Variants in CDIN1 observed in about 807,000 individuals in gnomAD.
The protein encoded by CDIN1 is CDAN1-interacting nuclease 1.
CDIN1 carries 33 observed loss-of-function variants against 45.3 expected under a neutral mutation model. The ratio of observed to expected loss-of-function variants is 0.73; its 90% confidence interval spans 0.55 to 0.97. The LOEUF (loss-of-function observed/expected upper bound fraction) is 0.97, where lower values mean the gene tolerates loss of function less well. Ranked by LOEUF, CDIN1 falls within the 50% of genes least tolerant of loss-of-function variation. CDIN1 has a pLI of 0.00. For synonymous variants in CDIN1, 118 were observed against 124.4 expected, an observed-to-expected ratio of 0.95 and a Z score of 0.34; for missense variants, 303 against 339.4, an observed-to-expected ratio of 0.89 and a Z score of 0.84.
Position 36,700,601 on chromosome 15 carries a change from G to C in CDIN1, c.544+3211G>C, listed in dbSNP as rs140106232. On this transcript the variant is annotated intron_variant, in intron 8 of 10. Transcript: ENST00000566621. Reference sequence around the variant, plus strand: ...CCTTCCTGCCACAGTATATATCTAGGATGGCCAGTTGAGCTCATAAGGTTG... The same window carrying C: ...CCTTCCTGCCACAGTATATATCTAGCATGGCCAGTTGAGCTCATAAGGTTG... 9.3e-5 allele frequency among the ~76,000 whole-genome samples: 14 copies of C among 151,134 alleles called. No individual in the cohort carries two copies. The East Asian group carries it at 2.7e-3, about 29-fold the overall frequency.
chr15:36,608,298 A>T (rs1566829420), intron 1 of CDIN1, among the ~76,000 whole-genome samples: 1 of 152,226 alleles, frequency 6.6e-6, no homozygotes, highest in Non-Finnish European at 1.5e-5. Context: ...ATAGGAATGT[A>T]TGAGGGTTTT....
chr15:36,626,557 A>AAAC lies in CDIN1; in HGVS notation c.102-17721_102-17720insAAC, dbSNP rs2039435632. ...AACATATGCAAATATATTCCTCATT[A>AAAC]GCCATCCTGTTTTGGCGACTAATAG... On this transcript the variant is annotated intron_variant, in intron 1 of 10. Coordinates refer to ENST00000566621, the MANE Select transcript of CDIN1 (RefSeq NM_001321759.2). 1.7e-5 allele frequency: 4 copies of AAAC among 234,492 alleles called. No individual in the cohort carries two copies. In the Admixed American group the frequency reaches 2.3e-4, roughly 13 times the overall value. The allele number at this position is 234,492 out of a possible 1,614,324, so 14.5% of individuals were successfully genotyped here.
chr15:36,697,430 C>G (rs779819437), intron 8 of CDIN1, 40 bp downstream of exon 8: 7 of 1,464,672 alleles, frequency 4.8e-6, no homozygotes, highest in Middle Eastern at 1.7e-4. Context: ...GTGTTGTCTC[C>G]CTGAGTGCTT....
chr15:36,789,596 G>A (rs2054593125), intron 10 of CDIN1, among the ~76,000 whole-genome samples: 1 of 152,166 alleles, frequency 6.6e-6, no homozygotes, highest in Non-Finnish European at 1.5e-5. Flanking sequence ...GGGAGACAGT[G>A]GTTAACAGTA....
Position 36,784,170 on chromosome 15 carries a change from T to G in CDIN1, c.717-24154T>G, listed in dbSNP as rs537831930. Among the ~76,000 whole-genome samples, 141 of 152,204 alleles carry G rather than the reference T, an allele frequency of 9.3e-4. 1 individual carries two copies. Among genetic ancestry groups the G allele is most frequent in the Non-Finnish European group, 1.3e-3 (91 of 68,026 alleles). On this transcript the variant is annotated intron_variant, in intron 10 of 10. Transcript: ENST00000566621. Reference sequence around the variant, plus strand: ...ATTCCTTTAAATTGTCTCAATCCTATGATTTTATAACACTGTTATTAAAAA... The same window carrying G: ...ATTCCTTTAAATTGTCTCAATCCTAGGATTTTATAACACTGTTATTAAAAA...
At chr15:36,664,504 T>C (rs1214659251) in intron 5 of CDIN1, among the ~76,000 whole-genome samples, 1 of 152,248 alleles carries the variant, frequency 6.6e-6, no homozygotes, top group Non-Finnish European at 1.5e-5. Context: ...TAGCTCATTC[T>C]AGAGGGTAAT....
At position 36,808,817 on chromosome 15, in the gene CDIN1, A is replaced by C; in HGVS notation, c.*364A>C. 1 of 459,232 alleles carries C rather than the reference A, an allele frequency of 2.2e-6. No homozygotes were observed. Among genetic ancestry groups the C allele is most frequent in the Admixed American group, 2.4e-5 (1 of 42,300 alleles). 28.4% of individuals were successfully genotyped at this position (459,232 alleles called of 1,614,324 possible). A position where few individuals can be genotyped will look rare whatever the true frequency, so the allele number is the denominator to read the frequency against. ...GGTGTGATTTTTCAATTCTCCTCCC[A>C]GTTACCGAATCACCCTCTTATTTTT... is the stretch of plus-strand genomic sequence containing the variant. On this transcript the variant is annotated 3_prime_UTR_variant, in exon 11 of 11. Transcript: ENST00000566621.
chr15:36,658,054 AC>A, intron 5 of CDIN1, 149 bp downstream of exon 5: 1 of 624,800 alleles, frequency 1.6e-6, no homozygotes, highest in Non-Finnish European at 2.8e-6. Context: ...AATATAAAAG[AC>A]CACCCACAAC....
At chr15:36,786,441 C>G (rs1166281822) in intron 10 of CDIN1, among the ~76,000 whole-genome samples, 5 of 152,148 alleles carry the variant, frequency 3.3e-5, no homozygotes, top group African/African-American at 9.7e-5. Flanking sequence ...TCGTGTACTT[C>G]CCCTGAGTGG....
At chr15:36,636,245 G>A (rs1320366637) in intron 1 of CDIN1, among the ~76,000 whole-genome samples, 1 of 152,138 alleles carries the variant, frequency 6.6e-6, no homozygotes, top group Non-Finnish European at 1.5e-5. Context: ...AATCTGCACT[G>A]ATGGAGTTAT....
At chr15:36,704,227 T>TTATC (rs1486306669) in intron 8 of CDIN1, 2 of 152,176 alleles carry the variant, frequency 1.3e-5, no homozygotes, top group Non-Finnish European at 2.9e-5. Flanking sequence ...TTCACTAGTA[T>TTATC]TATCCCCTAA....
At chr15:36,684,339 G>C (rs944637948) in intron 5 of CDIN1, among the ~76,000 whole-genome samples, 1 of 152,114 alleles carries the variant, frequency 6.6e-6, no homozygotes, top group Admixed American at 6.5e-5. Flanking sequence ...TAATCATGTG[G>C]TTTTTGTCTT....
At chr15:36,658,133 A>G (rs776243356) in intron 5 of CDIN1, 2 of 413,200 alleles carry the variant, frequency 4.8e-6, no homozygotes, top group Non-Finnish European at 8.6e-6. Context: ...CCATTGAGCT[A>G]AATAGACAAT....
Position 36,798,025 on chromosome 15 carries a change from C to CAAA in CDIN1, c.717-10279_717-10277dup, listed in dbSNP as rs11307856. 7.2e-3 allele frequency among the ~76,000 whole-genome samples: 670 copies of CAAA among 93,420 alleles called. 11 individuals carry two copies. Among genetic ancestry groups the CAAA allele is most frequent in the Non-Finnish European group, 0.01 (517 of 49,376 alleles). 61.3% of individuals were successfully genotyped at this position (93,420 alleles called of 152,430 possible). On this transcript the variant is annotated intron_variant, in intron 10 of 10. Coordinates refer to ENST00000566621, the MANE Select transcript of CDIN1 (RefSeq NM_001321759.2). Reference sequence around the variant, plus strand: ...TCATTATATAGTAGAGAGTTATTAGCAAAAAAAAAAAAAAAAAAAAAATTA... The same window carrying CAAA: ...TCATTATATAGTAGAGAGTTATTAGCAAAAAAAAAAAAAAAAAAAAAAAAATTA...
chr15:36,803,443 G>C (rs2055115918), intron 10 of CDIN1, among the ~76,000 whole-genome samples: 3 of 151,920 alleles, frequency 2.0e-5, no homozygotes, highest in Admixed American at 1.3e-4. Context: ...AGATTGATTA[G>C]TTTCTCAAAA....
chr15:36,742,080 AC>A (rs368824039), intron 10 of CDIN1, among the ~76,000 whole-genome samples: 58 of 152,286 alleles, frequency 3.8e-4, no homozygotes, highest in African/African-American at 1.3e-3. Context: ...CGTAGATGAA[AC>A]CAATTATCCA....
intron 5 of CDIN1, among the ~76,000 whole-genome samples, chr15:36,681,428 CAT>C (rs2041848064): frequency 6.6e-6 from 1 of 152,018 alleles, no homozygotes; most frequent in Non-Finnish European, 1.5e-5. Flanking sequence ...GAGTAGGAGA[CAT>C]AGAGGATAGA....
chr15:36,677,461 G>A (rs1431993754), intron 5 of CDIN1, among the ~76,000 whole-genome samples: 4 of 152,090 alleles, frequency 2.6e-5, no homozygotes, highest in Admixed American at 2.6e-4. Context: ...AAACTTGTGA[G>A]ATTTCTTTCT....
At chr15:36,737,252 T>C (rs2044063827) in intron 10 of CDIN1, among the ~76,000 whole-genome samples, 1 of 152,176 alleles carries the variant, frequency 6.6e-6, no homozygotes, top group Admixed American at 6.5e-5. Flanking sequence ...GTCGTTCCTA[T>C]TTTTGCCTTT....
Sources: gnomAD v4.1 joint callset for allele counts (sites outside exome capture counted in the v4.1 genomes callset) on GRCh38, gnomAD v4.1.1 for gene constraint, MANE v1.5 for transcripts, NCBI Gene and HGNC (gene_info 2026-07-23, HGNC 2026-07-21) for gene names.